The following NEBL variants were observed in gnomAD, a reference collection of about 807,000 sequenced individuals.
NEBL encodes nebulette, also known as LIM and SH3 protein 2.
A neutral mutation model predicts 140.2 loss-of-function variants in NEBL; 122 were observed. The ratio of observed to expected loss-of-function variants is 0.87; its 90% CI spans 0.75 to 1.01. The LOEUF (loss-of-function observed/expected upper bound fraction) is 1.01, where lower values mean the gene tolerates loss of function less well. Ranked by LOEUF, NEBL falls within the 50% of genes least tolerant of loss-of-function variation. The pLI is 0.00. For synonymous variants in NEBL, 436 were observed against 398.9 expected, an observed-to-expected ratio of 1.09 and a Z score of -1.11; for missense variants, 1,365 against 1,231.3, an observed-to-expected ratio of 1.11 and a Z score of -1.62.
intron 2 of NEBL, among the ~76,000 whole-genome samples, chr10:21,084,009 C>G (rs1383754875): frequency 6.6e-6 from 1 of 152,116 alleles, no homozygotes; most frequent in East Asian, 1.9e-4. Flanking sequence ...CAATTGTCAT[C>G]TTGGGAAAAA....
chr10:20,802,507 G>C (rs899203889), intron 26 of NEBL, among the ~76,000 whole-genome samples: 1 of 152,148 alleles, frequency 6.6e-6, no homozygotes, highest in Non-Finnish European at 1.5e-5. Context: ...ACATTGAAAA[G>C]TAGATTGACA....
intron 1 of NEBL, among the ~76,000 whole-genome samples, chr10:21,253,185 C>T (rs994213869): frequency 3.3e-5 from 5 of 152,174 alleles, no homozygotes; most frequent in South Asian, 2.1e-4. Flanking sequence ...GTGAGAGAAT[C>T]GCTTGAACGA....
chr10:21,029,907 C>A (rs1271788241), intron 2 of NEBL: 1 of 621,522 alleles, frequency 1.6e-6, no homozygotes, highest in Non-Finnish European at 3.0e-6. Context: ...AAGACCGATA[C>A]AACAGATGGG....
intron 1 of NEBL, among the ~76,000 whole-genome samples, chr10:21,277,339 G>C (rs577740152): frequency 4.6e-5 from 7 of 151,726 alleles, no homozygotes; most frequent in African/African-American, 1.7e-4. Context: ...TTTCCAAGTA[G>C]CTGGGATTAC....
chr10:20,925,800 A>G (rs1188995965), intron 4 of NEBL, among the ~76,000 whole-genome samples: 1 of 151,964 alleles, frequency 6.6e-6, no homozygotes, highest in Non-Finnish European at 1.5e-5. Flanking sequence ...CATGCCGGAA[A>G]ATCTGGACAT....
intron 14 of NEBL, 133 bp downstream of exon 14, chr10:20,835,363 ACTGGCATAATGCTTCGG>A: frequency 4.1e-6 from 3 of 733,794 alleles, no homozygotes; most frequent in Non-Finnish European, 7.3e-6. Context: ...AATTTTTCAA[ACTGGCATAATGCTTCGG>A]AATAGTCTCC....
At chr10:21,102,849 C>G (rs1048398642) in intron 2 of NEBL, among the ~76,000 whole-genome samples, 11 of 151,890 alleles carry the variant, frequency 7.2e-5, no homozygotes, top group Non-Finnish European at 1.3e-4. Context: ...TTTATAGTTC[C>G]AGGGTACATG....
intron 7 of NEBL, among the ~76,000 whole-genome samples, chr10:20,865,756 T>C (rs1844208737): frequency 6.6e-6 from 1 of 152,188 alleles, no homozygotes; most frequent in African/African-American, 2.4e-5. Flanking sequence ...TCCTGAGTTA[T>C]AAAGTCGCTT....
intron 2 of NEBL, among the ~76,000 whole-genome samples, chr10:21,054,294 AC>A (rs2131860294): frequency 6.6e-6 from 1 of 152,204 alleles, no homozygotes; most frequent in South Asian, 2.1e-4. Context: ...AACAAGAAAA[AC>A]AAAAAGTGCC....
chr10:21,142,596 T>C (rs767436871), intron 2 of NEBL, among the ~76,000 whole-genome samples: 2 of 152,194 alleles, frequency 1.3e-5, no homozygotes, highest in Non-Finnish European at 2.9e-5. Context: ...TTTAAAATCA[T>C]GGAAAAATGA....
intron 3 of NEBL, among the ~76,000 whole-genome samples, chr10:21,184,596 T>A (rs977557093): frequency 2.6e-5 from 4 of 151,870 alleles, no homozygotes; most frequent in African/African-American, 7.3e-5. Flanking sequence ...GGAAACCTGA[T>A]CCCCTGCTGC....
At chr10:20,895,618 A>G (rs192673927) in intron 2 of NEBL, among the ~76,000 whole-genome samples, 43 of 152,344 alleles carry the variant, frequency 2.8e-4, no homozygotes, top group African/African-American at 1.0e-3. Context: ...TATTACTGCA[A>G]TTTACAGAGA....
In NEBL at chr10:20,781,467, T is replaced by C. The variant is rs1269343230; in HGVS notation, c.*4280A>G. ...CCTAAATGCTCAGCAATTCATTGCA[T>C]GGACACTGGAGAATGGGACTGTGAT... On this transcript the variant is annotated 3_prime_UTR_variant, in exon 28 of 28. Coordinates refer to ENST00000377122, the MANE Select transcript of NEBL (RefSeq NM_006393.3). 1 of 152,210 alleles carries C rather than the reference T, an allele frequency of 6.6e-6. No individual in the cohort carries two copies. Among genetic ancestry groups the C allele is most frequent in the African/African-American group, 2.4e-5 (1 of 41,446 alleles). The allele number at this position is 152,210 out of a possible 1,614,324, so 9.4% of individuals were successfully genotyped here.
At chr10:21,262,155 G>T (rs912927315) in intron 1 of NEBL, among the ~76,000 whole-genome samples, 1 of 152,144 alleles carries the variant, frequency 6.6e-6, no homozygotes, top group Admixed American at 6.5e-5. Context: ...CGAGGGCCTC[G>T]ATAGGAGATT....
At chr10:20,794,471 G>A (rs918641062) in intron 26 of NEBL, among the ~76,000 whole-genome samples, 16 of 151,964 alleles carry the variant, frequency 1.1e-4, no homozygotes, top group Non-Finnish European at 2.2e-4. Context: ...AACAATTATC[G>A]CCATTATTAC....
chr10:21,075,613 T>G (rs570144545), intron 2 of NEBL, among the ~76,000 whole-genome samples: 3 of 152,326 alleles, frequency 2.0e-5, no homozygotes, highest in African/African-American at 7.2e-5. Flanking sequence ...GCCACCGGTC[T>G]GCAGCGTGGA....
At chr10:21,141,846 G>A (rs1012490361) in intron 2 of NEBL, among the ~76,000 whole-genome samples, 4 of 152,110 alleles carry the variant, frequency 2.6e-5, no homozygotes, top group African/African-American at 4.8e-5. Context: ...AGATGTTCAC[G>A]GCAAATACCT....
At chr10:20,936,560 G>T (rs1316312613) in intron 4 of NEBL, among the ~76,000 whole-genome samples, 1 of 152,148 alleles carries the variant, frequency 6.6e-6, no homozygotes, top group Non-Finnish European at 1.5e-5. Flanking sequence ...ATTAGGTCTG[G>T]CCTTAGAGCA....
chr10:20,832,917 A>G (rs1409287516), intron 14 of NEBL, among the ~76,000 whole-genome samples: 1 of 152,222 alleles, frequency 6.6e-6, no homozygotes, highest in African/African-American at 2.4e-5. Flanking sequence ...TACTATGTCT[A>G]CAAAAAGCAC....
Sources: gnomAD v4.1 joint callset for allele counts (sites outside exome capture counted in the v4.1 genomes callset) on GRCh38, gnomAD v4.1.1 for gene constraint, MANE v1.5 for transcripts, NCBI Gene and HGNC (gene_info 2026-07-23, HGNC 2026-07-21) for gene names.